The following LRP1B variants were observed in gnomAD, a reference collection of about 807,000 sequenced individuals.
LRP1B encodes low-density lipoprotein receptor-related protein 1B.
A neutral mutation model predicts 556.6 loss-of-function variants in LRP1B; 217 were observed. The ratio of observed to expected loss-of-function variants is 0.39; its 90% CI spans 0.35 to 0.44. The LOEUF is 0.44. Ranked by LOEUF, LRP1B falls within the 20% of genes least tolerant of loss-of-function variation. The pLI is 1.00. For synonymous variants in LRP1B, 2,047 were observed against 1,865.8 expected (o/e 1.10, Z -2.50); for missense variants, 5,053 against 5,620.8 (o/e 0.90, Z 3.23).
intron 3 of LRP1B, among the ~76,000 whole-genome samples, chr2:141,467,617 G>A (rs1021858680): frequency 6.6e-6 from 1 of 152,012 alleles, no homozygotes; most frequent in Non-Finnish European, 1.5e-5. Context: ...TATCCAACAA[G>A]TCTATTTTGC....
intron 1 of LRP1B, among the ~76,000 whole-genome samples, chr2:141,946,762 T>C (rs1033552186): frequency 8.5e-5 from 13 of 152,186 alleles, no homozygotes; most frequent in African/African-American, 2.4e-4. Flanking sequence ...AGTCATAATA[T>C]TGCATTTATT....
intron 7 of LRP1B, among the ~76,000 whole-genome samples, chr2:141,064,621 A>C (rs1444707301): frequency 6.6e-6 from 1 of 151,984 alleles, no homozygotes; most frequent in Non-Finnish European, 1.5e-5. Context: ...AAGAGTCCTA[A>C]GGAATAATAG....
chr2:140,827,015 G>A (rs1358740018), intron 31 of LRP1B, among the ~76,000 whole-genome samples: 1 of 152,020 alleles, frequency 6.6e-6, no homozygotes, highest in Non-Finnish European at 1.5e-5. Flanking sequence ...TCCAATTCAG[G>A]ACCAGAAGTG....
intron 18 of LRP1B, among the ~76,000 whole-genome samples, chr2:140,953,812 C>T (rs1455008757): frequency 1.3e-5 from 2 of 152,264 alleles, no homozygotes; most frequent in South Asian, 2.1e-4. Flanking sequence ...ATTAGACTTG[C>T]CTAATGATAC....
intron 2 of LRP1B, among the ~76,000 whole-genome samples, chr2:141,487,768 C>T (rs190307296): frequency 2.0e-5 from 3 of 152,166 alleles, no homozygotes; most frequent in Admixed American, 6.5e-5. Flanking sequence ...TAGGCTCAAA[C>T]CCTAGTCTCT....
chr2:141,855,998 C>T (rs951117788), intron 1 of LRP1B, among the ~76,000 whole-genome samples: 7 of 151,974 alleles, frequency 4.6e-5, no homozygotes, highest in African/African-American at 1.7e-4. Context: ...ATGAAATATC[C>T]AGTTGTCTTA....
chr2:141,608,022 T>C (rs1687978055), intron 2 of LRP1B, among the ~76,000 whole-genome samples: 1 of 152,038 alleles, frequency 6.6e-6, no homozygotes, highest in Admixed American at 6.6e-5. Context: ...GTAGGGAGTT[T>C]GAGACCAGAC....
intron 9 of LRP1B, 149 bp downstream of exon 9, chr2:141,058,734 C>T (rs868206888): frequency 1.2e-5 from 6 of 491,196 alleles, no homozygotes; most frequent in Admixed American, 4.4e-5. Flanking sequence ...GACGGGAGCT[C>T]TATTCCATTT....
intron 1 of LRP1B, among the ~76,000 whole-genome samples, chr2:142,126,744 G>T (rs973690665): frequency 6.6e-6 from 1 of 151,748 alleles, no homozygotes; most frequent in African/African-American, 2.4e-5. Flanking sequence ...TTCACATTAA[G>T]ATACAAAAAT....
chr2:140,476,979 T>G (rs1688002040), intron 59 of LRP1B, among the ~76,000 whole-genome samples: 1 of 152,076 alleles, frequency 6.6e-6, no homozygotes, highest in Non-Finnish European at 1.5e-5. Context: ...TGCTATGCTT[T>G]TTAAAATCTT....
rs550243947 is a variant in LRP1B, at chr2:140,541,786, G to T, written c.7380C>A (p.Thr2460=). 3 of 1,609,602 alleles carry T rather than the reference G, an allele frequency of 1.9e-6. No individual in the cohort carries two copies. In the African/African-American group the frequency reaches 4.0e-5, roughly 21 times the overall value. ...CTTTCTATTATAACTTACAGCTATT[G>T]GTGTCATTGGCAACAGCTATGATTC... ...PMGIIAVAND[T]NSCELSPCAL... Residue 2460 remains threonine, a synonymous_variant, in exon 44 of 91, where the codon ACC becomes ACA. Transcript: ENST00000389484.
intron 6 of LRP1B, among the ~76,000 whole-genome samples, chr2:141,210,651 A>G (rs1019218395): frequency 1.2e-4 from 19 of 152,220 alleles, no homozygotes; most frequent in African/African-American, 4.6e-4. Flanking sequence ...CCTACTTAAA[A>G]TATTAAAATC....
intron 2 of LRP1B, among the ~76,000 whole-genome samples, 166 bp downstream of exon 2, chr2:141,810,103 GAAAGAAAGAA>G (rs775795863): frequency 1.2e-3 from 156 of 126,638 alleles, no homozygotes; most frequent in African/African-American, 4.1e-3. Context: ...AAAAAAGAAA[GAAAGAAAGAA>G]AAAGAAAGAA....
At chr2:141,344,157 T>C (rs1688165249) in intron 3 of LRP1B, among the ~76,000 whole-genome samples, 1 of 152,160 alleles carries the variant, frequency 6.6e-6, no homozygotes, top group Non-Finnish European at 1.5e-5. Context: ...GGTCAAAGGG[T>C]AAATCTCATC....
At chr2:142,099,125 C>T (rs974492361) in intron 1 of LRP1B, among the ~76,000 whole-genome samples, 1 of 151,832 alleles carries the variant, frequency 6.6e-6, no homozygotes, top group Non-Finnish European at 1.5e-5. Context: ...ACATAATGTA[C>T]ACTTCATCTA....
chr2:140,287,116 T>A (rs1310275412), intron 84 of LRP1B, among the ~76,000 whole-genome samples: 1 of 151,902 alleles, frequency 6.6e-6, no homozygotes, highest in Non-Finnish European at 1.5e-5. Flanking sequence ...TCAACAAATC[T>A]AGATTCTCAT....
intron 2 of LRP1B, among the ~76,000 whole-genome samples, chr2:141,543,483 T>C (rs925548490): frequency 2.2e-5 from 3 of 138,616 alleles, no homozygotes; most frequent in African/African-American, 8.3e-5. Flanking sequence ...GTTGTGTCAC[T>C]GCACTCCAGC....
At chr2:141,835,175 A>G (rs352983) in intron 1 of LRP1B, among the ~76,000 whole-genome samples, 107,684 of 151,922 alleles carry the variant, frequency 0.71, 38,413 homozygotes, top group Middle Eastern at 0.81. Flanking sequence ...TAACATTTGT[A>G]TATTAACTGA....
At chr2:140,925,113 G>A (rs947118948) in intron 20 of LRP1B, among the ~76,000 whole-genome samples, 4 of 152,164 alleles carry the variant, frequency 2.6e-5, no homozygotes, top group African/African-American at 9.6e-5. Flanking sequence ...GGGAGGATGT[G>A]CATAGGTTAT....
Sources: gnomAD v4.1 joint callset for allele counts (sites outside exome capture counted in the v4.1 genomes callset) on GRCh38, gnomAD v4.1.1 for gene constraint, MANE v1.5 for transcripts, NCBI Gene and HGNC (gene_info 2026-07-23, HGNC 2026-07-21) for gene names.